Variants in ARL15 observed in about 807,000 individuals in gnomAD.
ARL15 encodes ARF like GTPase 15, also known as ADP-ribosylation factor-like protein 15.
A neutral mutation model predicts 25.2 loss-of-function variants in ARL15; 19 were observed. The ratio of observed to expected loss-of-function variants is 0.75; its 90% CI spans 0.53 to 1.10. The LOEUF (loss-of-function observed/expected upper bound fraction) is 1.10, where lower values mean the gene tolerates loss of function less well. Among genes scored for constraint, ARL15 ranks in the 50% least tolerant of loss-of-function variants. The pLI is 0.00. For missense variants in ARL15, 220 were observed against 246.0 expected (o/e 0.89, Z 0.71); for synonymous variants, 94 against 86.8 (o/e 1.08, Z -0.46).
intron 1 of ARL15, among the ~76,000 whole-genome samples, chr5:54,191,940 T>C (rs1415428883): frequency 6.6e-6 from 1 of 151,986 alleles, no homozygotes; most frequent in East Asian, 1.9e-4. Flanking sequence ...GACTAAAAGG[T>C]CCTATAAAAT....
intron 4 of ARL15, among the ~76,000 whole-genome samples, chr5:54,061,004 A>C (rs1004767610): frequency 6.6e-6 from 1 of 152,248 alleles, no homozygotes; most frequent in Non-Finnish European, 1.5e-5. Flanking sequence ...AGAAATTTAC[A>C]TAAGTAATGA....
intron 4 of ARL15, among the ~76,000 whole-genome samples, chr5:53,979,282 C>G (rs1748042760): frequency 6.6e-6 from 1 of 152,104 alleles, no homozygotes; most frequent in Non-Finnish European, 1.5e-5. Flanking sequence ...CCTATAATCC[C>G]AGCACTTTGA....
chr5:54,181,750 A>C (rs375459307), intron 1 of ARL15, among the ~76,000 whole-genome samples: 1 of 152,218 alleles, frequency 6.6e-6, no homozygotes, highest in African/African-American at 2.4e-5. Flanking sequence ...CCTGATGAAC[A>C]TAGCGAGACC....
intron 4 of ARL15, among the ~76,000 whole-genome samples, chr5:53,988,481 A>G (rs1483904325): frequency 2.0e-5 from 3 of 152,188 alleles, no homozygotes; most frequent in Non-Finnish European, 4.4e-5. Flanking sequence ...TGCTCATTAA[A>G]TGTTAGCTTC....
chr5:53,975,091 T>C (rs1580132777), intron 4 of ARL15, among the ~76,000 whole-genome samples: 1 of 152,202 alleles, frequency 6.6e-6, no homozygotes, highest in Admixed American at 6.5e-5. Flanking sequence ...ACCAACATCC[T>C]CTACTCCAGC....
intron 3 of ARL15, among the ~76,000 whole-genome samples, chr5:54,143,800 C>G (rs971730221): frequency 6.6e-6 from 1 of 151,870 alleles, no homozygotes; most frequent in Non-Finnish European, 1.5e-5. Flanking sequence ...ACTCTTACTC[C>G]GTTCCCTAAG....
intron 1 of ARL15, among the ~76,000 whole-genome samples, chr5:54,291,865 G>C (rs1190918765): frequency 6.6e-6 from 1 of 152,138 alleles, no homozygotes; most frequent in African/African-American, 2.4e-5. Context: ...ACAACTGCCA[G>C]ACCCTACGGA....
chr5:54,282,920 C>T (rs1479823410), intron 1 of ARL15, among the ~76,000 whole-genome samples: 1 of 152,136 alleles, frequency 6.6e-6, no homozygotes, highest in Admixed American at 6.6e-5. Context: ...AAACACATGC[C>T]CACTCACAAA....
At chr5:54,010,785 G>A (rs1470559695) in intron 4 of ARL15, among the ~76,000 whole-genome samples, 1 of 152,114 alleles carries the variant, frequency 6.6e-6, no homozygotes, top group Non-Finnish European at 1.5e-5. Context: ...GCTGAGGCGC[G>A]CGGATCACGA....
chr5:54,097,341 C>T (rs1395275255), intron 4 of ARL15, among the ~76,000 whole-genome samples: 1 of 152,046 alleles, frequency 6.6e-6, no homozygotes, highest in Admixed American at 6.6e-5. Flanking sequence ...AAACAAAAAA[C>T]TTATGTCTGC....
intron 4 of ARL15, among the ~76,000 whole-genome samples, chr5:54,004,997 C>A (rs5024170): frequency 0.28 from 41,846 of 151,754 alleles, 5,978 homozygotes; most frequent in East Asian, 0.45. Context: ...TTTTCTTTTT[C>A]TTTTTTCTTT....
intron 2 of ARL15, among the ~76,000 whole-genome samples, chr5:54,156,813 G>T (rs916022840): frequency 2.0e-5 from 3 of 152,174 alleles, no homozygotes; most frequent in Admixed American, 6.5e-5. Flanking sequence ...TGAGCAGGAG[G>T]AAAGAGGAGG....
chr5:54,048,149 T>C (rs911142505), intron 4 of ARL15: 3 of 151,838 alleles, frequency 2.0e-5, no homozygotes, highest in African/African-American at 7.3e-5. Flanking sequence ...AACCTGGTGG[T>C]CGCCCCTCCT....
chr5:54,030,132 G>T (rs1009228417), intron 4 of ARL15, among the ~76,000 whole-genome samples: 2 of 152,100 alleles, frequency 1.3e-5, no homozygotes, highest in African/African-American at 4.8e-5. Context: ...CTATGATCGT[G>T]CCACTGTATT....
intron 4 of ARL15, among the ~76,000 whole-genome samples, chr5:54,105,310 T>G (rs1752556418): frequency 6.6e-6 from 1 of 151,960 alleles, no homozygotes; most frequent in African/African-American, 2.4e-5. Flanking sequence ...TGAGGATTAA[T>G]GAAATGCTAA....
intron 4 of ARL15, among the ~76,000 whole-genome samples, chr5:53,889,508 G>A (rs1190266440): frequency 2.0e-5 from 3 of 152,126 alleles, no homozygotes; most frequent in Non-Finnish European, 4.4e-5. Context: ...CAGATAAAGG[G>A]GCCTAGTGGT....
intron 1 of ARL15, among the ~76,000 whole-genome samples, chr5:54,256,830 T>TA (rs141318212): frequency 0.09 from 13,652 of 151,844 alleles, 967 homozygotes; most frequent in African/African-American, 0.19. Context: ...AACAGAGCTG[T>TA]AAAAAAACAT....
intron 3 of ARL15, among the ~76,000 whole-genome samples, chr5:54,118,012 A>C (rs572192081): frequency 6.6e-5 from 10 of 152,326 alleles, no homozygotes; most frequent in Admixed American, 5.2e-4. Flanking sequence ...TCAGTGAACC[A>C]ATATTTTCCA....
intron 4 of ARL15, among the ~76,000 whole-genome samples, chr5:54,024,058 G>A (rs1749699972): frequency 6.6e-6 from 1 of 152,162 alleles, no homozygotes; most frequent in Admixed American, 6.5e-5. Context: ...TAATCACTCT[G>A]GGATTCTTCC....
Sources: allele counts gnomAD v4.1 joint callset (sites outside exome capture counted in the v4.1 genomes callset), GRCh38; gene constraint gnomAD v4.1.1; transcripts MANE v1.5; gene names NCBI Gene and HGNC (gene_info 2026-07-23, HGNC 2026-07-21).